CDH12: variants seen among roughly 807,000 people sequenced by gnomAD.
CDH12 encodes cadherin 12, also known as cadherin-12.
Under a neutral mutation model 74.1 loss-of-function variants are expected in CDH12, and 41 were observed. That is an observed-to-expected ratio of 0.55 (90% CI 0.43 to 0.72). CDH12 has a LOEUF of 0.72. Among genes scored for constraint, CDH12 ranks in the 30% least tolerant of loss-of-function variants. CDH12 has a pLI of 0.00. For missense variants in CDH12, 945 were observed against 977.2 expected, an observed-to-expected ratio of 0.97 and a Z score of 0.44; for synonymous variants, 399 against 355.0, an observed-to-expected ratio of 1.12 and a Z score of -1.39.
At chr5:22,281,635 A>G (rs1221365143) in intron 3 of CDH12, among the ~76,000 whole-genome samples, 1 of 152,196 alleles carries the variant, frequency 6.6e-6, no homozygotes, top group African/African-American at 2.4e-5. Context: ...TGCTACAAAG[A>G]GAATAAAATA....
rs186418436 is a variant in CDH12 at position 22,470,414 on chromosome 5, T to C, written c.-428+34856A>G. 4.4e-4 allele frequency among the ~76,000 whole-genome samples: 61 copies of C among 138,884 alleles called. No homozygotes were observed. The East Asian group carries it at 9.8e-3, about 22-fold the overall frequency. 91.1% of individuals were successfully genotyped at this position (138,884 alleles called of 152,430 possible). ...ACAATTATTTTTATTTTATTTTATT[T>C]TATTTATTTTATTTTTGGTAGAAAC... is the stretch of plus-strand genomic sequence containing the variant. On this transcript the variant is annotated intron_variant, in intron 2 of 14. Transcript: ENST00000382254.
intron 5 of CDH12, among the ~76,000 whole-genome samples, chr5:22,037,036 G>A (rs1240497226): frequency 4.6e-5 from 7 of 152,122 alleles, no homozygotes; most frequent in East Asian, 3.9e-4. Flanking sequence ...AGAGTACAAG[G>A]AGAAGAAACA....
At chr5:22,078,290 G>A (rs1162401109) in intron 5 of CDH12, among the ~76,000 whole-genome samples, 156 bp downstream of exon 5, 1 of 151,988 alleles carries the variant, frequency 6.6e-6, no homozygotes, top group African/African-American at 2.4e-5. Context: ...GCTTACCCGG[G>A]CCATTGAGTC....
chr5:22,849,473 G>A (rs1296912682), intron 1 of CDH12, among the ~76,000 whole-genome samples: 3 of 152,010 alleles, frequency 2.0e-5, no homozygotes, highest in African/African-American at 7.2e-5. Context: ...ATTTAGCATC[G>A]TGCTTTGCCG....
intron 6 of CDH12, among the ~76,000 whole-genome samples, chr5:21,972,896 C>A (rs1398063961): frequency 6.6e-6 from 1 of 151,620 alleles, no homozygotes; most frequent in Non-Finnish European, 1.5e-5. Flanking sequence ...AAATACCCTT[C>A]TGTTATTAAA....
intron 2 of CDH12, among the ~76,000 whole-genome samples, chr5:22,474,046 T>C (rs1168012018): frequency 6.6e-6 from 1 of 152,126 alleles, no homozygotes; most frequent in African/African-American, 2.4e-5. Context: ...TCTTCTTACA[T>C]AACACAGAGT....
At chr5:22,480,044 A>T (rs1746322999) in intron 2 of CDH12, among the ~76,000 whole-genome samples, 1 of 152,100 alleles carries the variant, frequency 6.6e-6, no homozygotes, top group Admixed American at 6.6e-5. Context: ...TTTAGAAAAG[A>T]TTTTAAAATG....
intron 5 of CDH12, among the ~76,000 whole-genome samples, chr5:21,981,746 AT>A (rs1757315804): frequency 6.6e-6 from 1 of 152,188 alleles, no homozygotes; most frequent in African/African-American, 2.4e-5. Flanking sequence ...CAGTGGCACA[AT>A]CTCAGCTCAC....
chr5:22,723,451 T>G (rs1744003943), intron 1 of CDH12, among the ~76,000 whole-genome samples: 1 of 152,112 alleles, frequency 6.6e-6, no homozygotes, highest in Admixed American at 6.6e-5. Flanking sequence ...TTTGGCTTGA[T>G]AGTAGATAGA....
intron 1 of CDH12, among the ~76,000 whole-genome samples, chr5:22,659,191 T>C (rs1415039196): frequency 1.3e-5 from 2 of 152,084 alleles, no homozygotes; most frequent in Non-Finnish European, 1.5e-5. Flanking sequence ...ATTTTAATTA[T>C]ATTGTTTGAA....
At position 22,853,052 on chromosome 5, in the gene CDH12, C is replaced by G. The variant is rs543625661; in HGVS notation, c.-523+6G>C. 6 of 152,506 alleles carry G rather than the reference C, an allele frequency of 3.9e-5. No homozygotes were observed. The South Asian group carries it at 1.0e-3, about 26-fold the overall frequency. The allele number at this position is 152,506 out of a possible 1,614,324, so 9.4% of individuals were successfully genotyped here. ...GTGCAATCCCAATCAAAAACGGAAGCCTTACCTGATGGCAGAAAAGGCAGC... is the reference window on the plus strand; with the variant it reads ...GTGCAATCCCAATCAAAAACGGAAGGCTTACCTGATGGCAGAAAAGGCAGC... On this transcript the variant is annotated splice_donor_region_variant and intron_variant, in intron 1 of 14. Transcript: ENST00000382254.
At chr5:22,444,472 C>T (rs1291669174) in intron 2 of CDH12, among the ~76,000 whole-genome samples, 1 of 151,910 alleles carries the variant, frequency 6.6e-6, no homozygotes, top group African/African-American at 2.4e-5. Context: ...AGGCAACTTG[C>T]CATCCTGCTT....
chr5:22,055,893 A>G (rs1740703904), intron 5 of CDH12, among the ~76,000 whole-genome samples: 1 of 152,168 alleles, frequency 6.6e-6, no homozygotes, highest in Non-Finnish European at 1.5e-5. Context: ...AAAGTCCTTG[A>G]CAAATTTTTA....
intron 3 of CDH12, among the ~76,000 whole-genome samples, chr5:22,298,609 A>C (rs1321723244): frequency 2.6e-5 from 4 of 152,132 alleles, no homozygotes; most frequent in African/African-American, 9.7e-5. Flanking sequence ...GATAAAACTA[A>C]TATCTTCTCA....
At chr5:22,293,003 A>G (rs201651003) in intron 3 of CDH12, among the ~76,000 whole-genome samples, 1 of 51,414 alleles carries the variant, frequency 1.9e-5, no homozygotes, top group Non-Finnish European at 5.8e-5. Context: ...ACCCACATCC[A>G]TTCCCAATCT....
At chr5:22,201,317 T>C (rs1410423735) in intron 4 of CDH12, among the ~76,000 whole-genome samples, 2 of 152,168 alleles carry the variant, frequency 1.3e-5, no homozygotes, top group East Asian at 1.9e-4. Flanking sequence ...ATGTGGTGTA[T>C]ATACAAAACG....
At chr5:22,674,642 T>C (rs996101626) in intron 1 of CDH12, among the ~76,000 whole-genome samples, 1 of 152,094 alleles carries the variant, frequency 6.6e-6, no homozygotes, top group African/African-American at 2.4e-5. Flanking sequence ...TGTGGGAAAG[T>C]TTGGAACTCC....
At chr5:22,824,997 G>C (rs1397038983) in intron 1 of CDH12, among the ~76,000 whole-genome samples, 3 of 151,414 alleles carry the variant, frequency 2.0e-5, no homozygotes, top group Admixed American at 6.6e-5. Flanking sequence ...ATTCAAAAAG[G>C]CTTGTGAGAA....
intron 12 of CDH12, 39 bp downstream of exon 12, chr5:21,764,939 G>T: frequency 6.2e-7 from 1 of 1,603,640 alleles, no homozygotes; most frequent in Non-Finnish European, 8.5e-7. Context: ...TGCATATGGT[G>T]GGTCTTTATA....
Sources: allele counts gnomAD v4.1 joint callset (sites outside exome capture counted in the v4.1 genomes callset), GRCh38; gene constraint gnomAD v4.1.1; transcripts MANE v1.5; gene names NCBI Gene and HGNC (gene_info 2026-07-23, HGNC 2026-07-21).